Variants in CHMP3 observed in about 807,000 individuals in gnomAD.
CHMP3 encodes charged multivesicular body protein 3.
CHMP3 carries 8 observed loss-of-function variants against 27.4 expected under a neutral mutation model. The ratio of observed to expected loss-of-function variants is 0.29; its 90% CI spans 0.17 to 0.53. The LOEUF (loss-of-function observed/expected upper bound fraction) is 0.53, where lower values mean the gene tolerates loss of function less well. Among genes scored for constraint, CHMP3 ranks in the 20% least tolerant of loss-of-function variants. The pLI, the probability that CHMP3 is intolerant of heterozygous loss-of-function variation, is 0.96. For synonymous variants in CHMP3, 86 were observed against 85.5 expected (o/e 1.01, Z -0.03); for missense variants, 208 against 271.5 (o/e 0.77, Z 1.64).
At chr2:86,563,210 G>T in intron 1 of CHMP3, 94 bp downstream of exon 1, 1 of 1,457,896 alleles carries the variant, frequency 6.9e-7, no homozygotes, top group Non-Finnish European at 9.5e-7. Context: ...GCGGTATCGG[G>T]CAGGCGGTGG....
At chr2:86,543,702 T>C (rs1398071286) in intron 1 of CHMP3, among the ~76,000 whole-genome samples, 1 of 152,260 alleles carries the variant, frequency 6.6e-6, no homozygotes, top group Non-Finnish European at 1.5e-5. Context: ...ACTGCAATGC[T>C]GTTGCCAAAT....
intron 2 of CHMP3, among the ~76,000 whole-genome samples, chr2:86,534,097 G>A (rs1404630295): frequency 6.6e-6 from 1 of 151,296 alleles, no homozygotes; most frequent in Non-Finnish European, 1.5e-5. Context: ...TCTAACATAT[G>A]GTCTATCCTA....
chr2:86,553,655 A>T (rs1472299036), intron 1 of CHMP3, among the ~76,000 whole-genome samples: 1 of 152,230 alleles, frequency 6.6e-6, no homozygotes, highest in African/African-American at 2.4e-5. Flanking sequence ...AATAAAATCA[A>T]GTAACAGCCA....
chr2:86,506,081 G>A lies in CHMP3; in HGVS notation c.524-132C>T, dbSNP rs1414570437. ...ACAGTACAGCAAGCTGTTTTTGGGG[G>A]GGTTTACTCACTCTGGGAAATGTGC... is the stretch of plus-strand genomic sequence containing the variant. On this transcript the variant is annotated intron_variant, in intron 5 of 5. Transcript: ENST00000263856. The A allele has an allele frequency of 5.4e-6, 6 of 1,102,902 alleles. No individual in the cohort carries two copies. The African/African-American group carries it at 9.7e-5, about 18-fold the overall frequency. The allele number at this position is 1,102,902 out of a possible 1,614,324, so 68.3% of individuals were successfully genotyped here. A position where few individuals can be genotyped will look rare whatever the true frequency, so the allele number is the denominator to read the frequency against.
intron 1 of CHMP3, among the ~76,000 whole-genome samples, chr2:86,560,506 C>CA (rs754921177): frequency 1.8e-4 from 27 of 151,216 alleles, no homozygotes; most frequent in South Asian, 1.5e-3. Flanking sequence ...GGGAATTGAA[C>CA]AATGAGAACA....
chr2:86,562,294 G>A (rs1036181689), intron 1 of CHMP3: 1 of 151,798 alleles, frequency 6.6e-6, no homozygotes, highest in African/African-American at 2.4e-5. Context: ...TTTCCATTAT[G>A]GACAAGCCTA....
intron 2 of CHMP3, among the ~76,000 whole-genome samples, chr2:86,537,615 C>T (rs1417652734): frequency 6.6e-6 from 1 of 152,100 alleles, no homozygotes; most frequent in Admixed American, 6.6e-5. Context: ...TGCTGATTCC[C>T]CAGGGCTCAT....
intron 1 of CHMP3, among the ~76,000 whole-genome samples, chr2:86,544,340 C>CT (rs1158237640): frequency 0.018 from 2,282 of 129,030 alleles, 67 homozygotes; most frequent in Admixed American, 0.078. Flanking sequence ...TTTACATTTT[C>CT]TTTTTTTTTT....
At chr2:86,530,404 G>A (rs892224591) in intron 2 of CHMP3, among the ~76,000 whole-genome samples, 9 of 152,012 alleles carry the variant, frequency 5.9e-5, no homozygotes, top group Non-Finnish European at 1.2e-4. Flanking sequence ...CTGTCTTTAC[G>A]AATTTTACTA....
At chr2:86,530,334 T>C (rs1019106766) in intron 2 of CHMP3, among the ~76,000 whole-genome samples, 4 of 152,210 alleles carry the variant, frequency 2.6e-5, no homozygotes, top group Non-Finnish European at 4.4e-5. Flanking sequence ...TCTGCACCCA[T>C]TGAACAGTAA....
In CHMP3 at chr2:86,563,368, G is replaced by C; in HGVS notation, c.-20C>G. ...CCCCATGACGAACTGAACCCGTCTT[G>C]CCCCTTCCGGCTTTCAGTTCCCCGC... On this transcript the variant is annotated 5_prime_UTR_variant, in exon 1 of 6. Coordinates refer to ENST00000263856, the MANE Select transcript of CHMP3 (RefSeq NM_016079.4). The C allele has an allele frequency of 6.2e-7, 1 of 1,612,922 alleles. No individual in the cohort carries two copies. The highest frequency in any genetic ancestry group is 8.5e-7 in the Non-Finnish European group (1 of 1,179,466).
At chr2:86,560,359 C>A (rs1351072055) in intron 1 of CHMP3, among the ~76,000 whole-genome samples, 3 of 152,074 alleles carry the variant, frequency 2.0e-5, no homozygotes, top group Non-Finnish European at 4.4e-5. Flanking sequence ...AAATGTGGCA[C>A]CATGGAATAC....
intron 1 of CHMP3, among the ~76,000 whole-genome samples, chr2:86,549,914 G>C (rs1382536720): frequency 6.6e-6 from 1 of 151,644 alleles, no homozygotes; most frequent in African/African-American, 2.4e-5. Flanking sequence ...GGGCAGAGGC[G>C]CTTCTCACTT....
In CHMP3 at chr2:86,535,994, C is replaced by CTTTTTT. The variant is rs60555193; in HGVS notation, c.106+6252_106+6257dup. ...ACAAAAAGTAGAGTTATAAACCTTT[C>CTTTTTT]TTTTTTTTTTTTTTTTTTTGAGACG... On this transcript the variant is annotated intron_variant, in intron 2 of 5. Transcript: ENST00000263856. Among the ~76,000 whole-genome samples, 60 of 111,546 alleles carry CTTTTTT rather than the reference C, an allele frequency of 5.4e-4. 3 individuals carry two copies. The highest frequency in any genetic ancestry group is 6.3e-4 in the African/African-American group (18 of 28,452). 73.2% of individuals were successfully genotyped at this position (111,546 alleles called of 152,430 possible).
chr2:86,530,875 T>C (rs4832297), intron 2 of CHMP3, among the ~76,000 whole-genome samples: 59,458 of 152,142 alleles, frequency 0.39, 13,597 homozygotes, highest in East Asian at 0.75. Flanking sequence ...ATAGTAGTCA[T>C]CCTAACGGGT....
intron 1 of CHMP3, among the ~76,000 whole-genome samples, chr2:86,560,503 G>A (rs940044590): frequency 6.6e-6 from 1 of 151,642 alleles, no homozygotes; most frequent in East Asian, 1.9e-4. Flanking sequence ...AGTGGGAATT[G>A]AACAATGAGA....
At chr2:86,516,227 T>C (rs1365984561) in intron 3 of CHMP3, among the ~76,000 whole-genome samples, 1 of 151,706 alleles carries the variant, frequency 6.6e-6, no homozygotes, top group Non-Finnish European at 1.5e-5. Context: ...CTCCCAGTGT[T>C]TTAAATTACA....
chr2:86,506,948 A>T (rs1303415170), intron 5 of CHMP3: 1 of 152,190 alleles, frequency 6.6e-6, no homozygotes, highest in Admixed American at 6.5e-5. Flanking sequence ...TACTACAGAC[A>T]TCCTTGAATT....
intron 4 of CHMP3, among the ~76,000 whole-genome samples, chr2:86,509,220 G>C (rs1189312020): frequency 6.6e-6 from 1 of 152,186 alleles, no homozygotes; most frequent in African/African-American, 2.4e-5. Flanking sequence ...CCTGGTGGCT[G>C]AGTTAAAATG....
Sources: allele counts gnomAD v4.1 joint callset (sites outside exome capture counted in the v4.1 genomes callset), GRCh38; gene constraint gnomAD v4.1.1; transcripts MANE v1.5; gene names NCBI Gene and HGNC (gene_info 2026-07-23, HGNC 2026-07-21).